The following WNK3 variants were observed in gnomAD, a reference collection of about 807,000 sequenced individuals.
The protein encoded by WNK3 is WNK lysine deficient protein kinase 3.
In WNK3, 18 loss-of-function variants were observed where a neutral mutation model predicts 116.7. That is an observed-to-expected ratio of 0.15 (90% CI 0.11 to 0.23). WNK3 has a LOEUF of 0.23. Ranked by LOEUF, WNK3 falls within the 10% of genes least tolerant of loss-of-function variation. WNK3 has a pLI of 1.00. For synonymous variants in WNK3, 404 were observed against 469.4 expected (o/e 0.86, Z 1.80); for missense variants, 993 against 1,323.8 (o/e 0.75, Z 3.88).
chrX:54,286,091 C>A lies in WNK3; in HGVS notation c.2037+6797G>T, dbSNP rs1894545. Among the ~76,000 whole-genome samples the A allele has an allele frequency of 2.7e-5, 3 of 110,118 alleles. No homozygotes were observed. The East Asian group carries it at 8.5e-4, about 31-fold the overall frequency. Reference sequence around the variant, plus strand: ...TTTCTTAATAAGATGTTGGGGAAAACGTTTTAATTAGGTAAGGAAAGTATA... The same window carrying A: ...TTTCTTAATAAGATGTTGGGGAAAAAGTTTTAATTAGGTAAGGAAAGTATA... On this transcript the variant is annotated intron_variant, in intron 10 of 23. Transcript: ENST00000354646.
intron 10 of WNK3, among the ~76,000 whole-genome samples, chrX:54,270,776 CCT>C: frequency 9.0e-6 from 1 of 110,551 alleles, no homozygotes. Flanking sequence ...TGTTCCCCTC[CCT>C]GTGTCCATGT....
exon 24 of WNK3, chrX:54,196,451 G>C (rs1557140155): frequency 5.5e-5 from 5 of 90,668 alleles, no homozygotes; most frequent in Non-Finnish European, 1.1e-4. Flanking sequence ...TCACAAAGTA[G>C]ACTGTGCAAA....
chrX:54,230,147 A>T (rs1311429387), intron 21 of WNK3, among the ~76,000 whole-genome samples: 2 of 111,588 alleles, frequency 1.8e-5, no homozygotes, highest in African/African-American at 6.5e-5. Flanking sequence ...TCAAAAATAC[A>T]GAAAAAACTC....
At chrX:54,274,700 T>C (rs1557160230) in intron 10 of WNK3, among the ~76,000 whole-genome samples, 1 of 111,631 alleles carries the variant, frequency 9.0e-6, no homozygotes, top group Non-Finnish European at 1.9e-5. Context: ...CATCTTCTTG[T>C]GTACAGATAA....
chrX:54,237,033 T>C lies in WNK3; in HGVS notation c.4533A>G (p.Ser1511=), dbSNP rs1302538351. The change falls in exon 20 of 24, where the codon TCA becomes TCG. Residue 1511 remains serine, a synonymous_variant. Transcript: ENST00000354646. Reference sequence around the variant, plus strand: ...TTGGGGAAGATGGCGAATAGAAGAGTGAACTCTGTGTTTGAGCATAAGCTT... The same window carrying C: ...TTGGGGAAGATGGCGAATAGAAGAGCGAACTCTGTGTTTGAGCATAAGCTT... The C allele has an allele frequency of 5.0e-6, 6 of 1,210,256 alleles. No individual in the cohort carries two copies. The African/African-American group carries it at 8.7e-5, about 18-fold the overall frequency.
intron 22 of WNK3, among the ~76,000 whole-genome samples, chrX:54,204,326 C>T (rs1349915621): frequency 9.0e-6 from 1 of 110,719 alleles, no homozygotes; most frequent in Admixed American, 9.7e-5. Context: ...ACCATGTTGC[C>T]AGGCTGGTCT....
chrX:54,238,549 TGAA>T, intron 18 of WNK3, 77 bp from the exon 19 acceptor site: 1 of 1,015,388 alleles, frequency 9.8e-7, no homozygotes. Flanking sequence ...TTACCAAAAA[TGAA>T]GAAAAGTAGA....
chrX:54,340,142 TCA>T (rs1240033476), intron 1 of WNK3, among the ~76,000 whole-genome samples: 4 of 108,604 alleles, frequency 3.7e-5, no homozygotes, highest in Non-Finnish European at 5.7e-5. Flanking sequence ...AGAATAAGAC[TCA>T]GTCTCAAAAA....
At chrX:54,210,481 G>T (rs782225556) in intron 22 of WNK3, among the ~76,000 whole-genome samples, 72 of 111,046 alleles carry the variant, frequency 6.5e-4, no homozygotes, top group African/African-American at 2.3e-3. Context: ...AAAAAGATTT[G>T]CCAGGCACAG....
chrX:54,281,789 T>C, intron 10 of WNK3, among the ~76,000 whole-genome samples: 1 of 111,361 alleles, frequency 9.0e-6, no homozygotes, highest in Admixed American at 9.6e-5. Context: ...TTTCCTTCTT[T>C]GTATGTGTGT....
intron 21 of WNK3, 41 bp from the exon 22 acceptor site, chrX:54,228,784 A>T: frequency 2.2e-6 from 1 of 462,789 alleles, no homozygotes; most frequent in Non-Finnish European, 3.9e-6. Context: ...AAATTTTCAA[A>T]ATATAAAACA....
chrX:54,351,782 C>T (rs782535889), intron 1 of WNK3, among the ~76,000 whole-genome samples: 25 of 110,935 alleles, frequency 2.3e-4, no homozygotes, highest in South Asian at 7.7e-4. Flanking sequence ...CGTGGTGGCA[C>T]GCACCTGTAG....
At chrX:54,262,290 AT>A (rs2068264868) in intron 10 of WNK3, among the ~76,000 whole-genome samples, 1 of 111,728 alleles carries the variant, frequency 9.0e-6, no homozygotes, top group African/African-American at 3.2e-5. Context: ...TGATAGGACA[AT>A]AAGTATTCAT....
chrX:54,252,065 C>CAAAAAA (rs782229094), intron 13 of WNK3, among the ~76,000 whole-genome samples: 2 of 29,888 alleles, frequency 6.7e-5, no homozygotes, highest in African/African-American at 1.2e-4. Flanking sequence ...AACTCTGTCT[C>CAAAAAA]AAAAAAAAAA....
intron 2 of WNK3, among the ~76,000 whole-genome samples, chrX:54,329,367 G>A (rs1487619300): frequency 3.6e-5 from 4 of 111,778 alleles, no homozygotes; most frequent in Non-Finnish European, 5.6e-5. Context: ...AGCCAGGTGC[G>A]GTGGCTCACG....
rs782085509 is a variant in WNK3, at chrX:54,250,003, G to C, written c.2704C>G (p.Pro902Ala). Residue 902 changes from proline (P) to alanine (A), a missense_variant, in exon 16 of 24, where the codon CCA (proline) becomes GCA (alanine). Pro to Ala is a conservative substitution (Grantham distance 27, BLOSUM62 -1). This residue lies in a region of WNK3 where 836 missense variants were observed against 976.5 expected (regional missense o/e 0.86). Transcript: ENST00000354646. ...GAGAAGAAAAGCTTACTAGGAAGTG[G>C]ATGTCGGCCAGGAACCGCAGACATG... 6 of 1,200,040 alleles carry C rather than the reference G, an allele frequency of 5.0e-6. No individual in the cohort carries two copies. Among genetic ancestry groups the C allele is most frequent in the Non-Finnish European group, 6.7e-6 (6 of 891,757 alleles).
chrX:54,290,701 C>G (rs1370459923), intron 10 of WNK3, among the ~76,000 whole-genome samples: 1 of 111,542 alleles, frequency 9.0e-6, no homozygotes, highest in Non-Finnish European at 1.9e-5. Context: ...ACACACCTGA[C>G]AGTGGAAGTC....
chrX:54,204,535 A>C (rs1557142304), intron 22 of WNK3, among the ~76,000 whole-genome samples: 1 of 112,619 alleles, frequency 8.9e-6, no homozygotes, highest in African/African-American at 3.2e-5. Context: ...CAACCATGAT[A>C]TATCAAAATG....
intron 10 of WNK3, among the ~76,000 whole-genome samples, chrX:54,290,610 T>C (rs948623001): frequency 8.9e-6 from 1 of 111,846 alleles, no homozygotes; most frequent in Non-Finnish European, 1.9e-5. Context: ...ATACCACTCA[T>C]GGTTTCTTAT....
Sources: gnomAD v4.1 joint callset for allele counts (sites outside exome capture counted in the v4.1 genomes callset) on GRCh38, gnomAD v4.1.1 for gene constraint, gnomAD v4.1.1 regional missense constraint, MANE v1.5 for transcripts, NCBI Gene and HGNC (gene_info 2026-07-23, HGNC 2026-07-21) for gene names.